Variants in MED13L observed in about 807,000 individuals in gnomAD.
MED13L encodes the protein mediator complex subunit 13L.
Under a neutral mutation model 220.9 loss-of-function variants are expected in MED13L, and 7 were observed. The observed-to-expected ratio is 0.03, with a 90% CI of 0.02 to 0.06. The LOEUF (loss-of-function observed/expected upper bound fraction) is 0.06, where lower values mean the gene tolerates loss of function less well. MED13L is among the 10% of genes least tolerant of loss of function. The pLI is 1.00. For synonymous variants in MED13L, 1,011 were observed against 1,015.2 expected, an observed-to-expected ratio of 1.00 and a Z score of 0.08; for missense variants, 1,965 against 2,760.5, an observed-to-expected ratio of 0.71 and a Z score of 6.46.
At chr12:116,192,931 GAC>G (rs1881372782) in intron 2 of MED13L, among the ~76,000 whole-genome samples, 1 of 152,140 alleles carries the variant, frequency 6.6e-6, no homozygotes, top group South Asian at 2.1e-4. Context: ...AGGAAATCAA[GAC>G]CATCCTGGCT....
chr12:116,277,022 C>CCGA, intron 1 of MED13L, 38 bp downstream of exon 1: 3 of 1,006,450 alleles, frequency 3.0e-6, no homozygotes, highest in Non-Finnish European at 4.5e-6. Flanking sequence ...CCCCCCCCTT[C>CCGA]CCCGGCACAG....
At chr12:116,115,874 T>C (rs1017425199) in intron 2 of MED13L, among the ~76,000 whole-genome samples, 10 of 152,264 alleles carry the variant, frequency 6.6e-5, no homozygotes, top group South Asian at 2.1e-4. Context: ...GATTAACATA[T>C]AGAATACAGT....
intron 9 of MED13L, among the ~76,000 whole-genome samples, chr12:116,012,290 G>C (rs1448867770): frequency 6.6e-6 from 1 of 152,180 alleles, no homozygotes; most frequent in Non-Finnish European, 1.5e-5. Flanking sequence ...AGCAATCTGA[G>C]GACGTATCCA....
chr12:116,112,683 C>G (rs972614057), intron 2 of MED13L, among the ~76,000 whole-genome samples: 3 of 152,162 alleles, frequency 2.0e-5, no homozygotes, highest in African/African-American at 7.2e-5. Flanking sequence ...AAATAAAGTA[C>G]AGCAAACAGA....
chr12:116,191,795 A>G (rs969360578), intron 2 of MED13L, among the ~76,000 whole-genome samples: 3 of 152,090 alleles, frequency 2.0e-5, no homozygotes, highest in African/African-American at 7.2e-5. Context: ...AGCCTGGGCA[A>G]CACAGTGGGA....
At chr12:115,980,025 T>C (rs1237609687) in intron 23 of MED13L, among the ~76,000 whole-genome samples, 1 of 152,164 alleles carries the variant, frequency 6.6e-6, no homozygotes, top group African/African-American at 2.4e-5. Context: ...TTCCTCTAAG[T>C]ATGTGCATCA....
intron 4 of MED13L, among the ~76,000 whole-genome samples, chr12:116,025,439 T>C (rs1412901617): frequency 2.0e-5 from 3 of 152,236 alleles, no homozygotes; most frequent in Non-Finnish European, 4.4e-5. Flanking sequence ...CCCTTGCTTA[T>C]TCATTATTAT....
At chr12:116,086,344 T>C (rs1405852711) in intron 4 of MED13L, among the ~76,000 whole-genome samples, 1 of 149,948 alleles carries the variant, frequency 6.7e-6, no homozygotes, top group African/African-American at 2.5e-5. Flanking sequence ...AATGCAACAG[T>C]GGGATCTCAG....
At chr12:115,978,191 G>A (rs1286601317) in intron 23 of MED13L, among the ~76,000 whole-genome samples, 2 of 152,130 alleles carry the variant, frequency 1.3e-5, no homozygotes. Context: ...GGACTGGAGT[G>A]GGGAATGAGT....
At chr12:116,141,031 G>A (rs2138047591) in intron 2 of MED13L, among the ~76,000 whole-genome samples, 2 of 152,230 alleles carry the variant, frequency 1.3e-5, no homozygotes, top group South Asian at 4.1e-4. Flanking sequence ...CTCTAATCGT[G>A]AGAGCAAAGA....
intron 5 of MED13L, 133 bp downstream of exon 5, chr12:116,022,323 C>CA: frequency 3.7e-6 from 4 of 1,089,280 alleles, no homozygotes; most frequent in Non-Finnish European, 5.4e-6. Flanking sequence ...CTTCCTTCTT[C>CA]AAAATCTGAC....
At chr12:116,152,468 A>C (rs191723965) in intron 2 of MED13L, among the ~76,000 whole-genome samples, 31 of 152,278 alleles carry the variant, frequency 2.0e-4, no homozygotes, top group African/African-American at 7.5e-4. Flanking sequence ...TCTACCATGC[A>C]AAGAATGCAA....
At chr12:116,096,487 C>T (rs897402804) in intron 4 of MED13L, among the ~76,000 whole-genome samples, 182 bp downstream of exon 4, 22 of 150,242 alleles carry the variant, frequency 1.5e-4, no homozygotes, top group African/African-American at 5.1e-4. Flanking sequence ...AATCACCTTT[C>T]TAATCAATCT....
intron 2 of MED13L, among the ~76,000 whole-genome samples, chr12:116,201,690 T>A (rs985578969): frequency 8.5e-5 from 13 of 152,120 alleles, no homozygotes; most frequent in Non-Finnish European, 1.5e-4. Flanking sequence ...GGAGCACGTG[T>A]ATGGGTGCTT....
chr12:116,277,178 G>A lies in MED13L; in HGVS notation c.-47C>T, dbSNP rs1185573863. On this transcript the variant is annotated 5_prime_UTR_variant, in exon 1 of 31. Transcript: ENST00000281928. Reference sequence around the variant, plus strand: ...CCAGAGCGGGGCATGTCGGAGCGAGGCGTCCGAGGCGAGGCCGGGCCGGGC... The same window carrying A: ...CCAGAGCGGGGCATGTCGGAGCGAGACGTCCGAGGCGAGGCCGGGCCGGGC... 4.2e-6 allele frequency: 6 copies of A among 1,413,626 alleles called. No homozygotes were observed. In the African/African-American group the frequency reaches 7.5e-5, roughly 18 times the overall value. 87.6% of individuals were successfully genotyped at this position (1,413,626 alleles called of 1,614,324 possible).
At position 116,196,380 on chromosome 12, in the gene MED13L, C is replaced by CA. The variant is rs879671602; in HGVS notation, c.310+41087dup. On this transcript the variant is annotated intron_variant, in intron 2 of 30. Transcript: ENST00000281928. ...GGGCCAATAAGTAAGGTGCAATTAA[C>CA]AAAAAAAAAAAAAGTCTGACTGGCC... 4.9e-3 allele frequency among the ~76,000 whole-genome samples: 669 copies of CA among 136,634 alleles called. 2 individuals are homozygous for CA. The highest frequency in any genetic ancestry group is 0.011 in the African/African-American group (422 of 37,582). The allele number at this position is 136,634 out of a possible 152,430, so 89.6% of individuals were successfully genotyped here.
intron 4 of MED13L, among the ~76,000 whole-genome samples, chr12:116,096,209 G>C (rs1015872497): frequency 6.6e-6 from 1 of 151,504 alleles, no homozygotes; most frequent in Non-Finnish European, 1.5e-5. Context: ...CAAAAAATTA[G>C]CCAGGTGTGG....
chr12:116,259,986 A>T (rs1184480389), intron 1 of MED13L, among the ~76,000 whole-genome samples: 1 of 152,160 alleles, frequency 6.6e-6, no homozygotes, highest in Non-Finnish European at 1.5e-5. Flanking sequence ...ACATCTATGT[A>T]CAAAAATGTG....
intron 2 of MED13L, among the ~76,000 whole-genome samples, chr12:116,131,605 G>A (rs1876072587): frequency 6.6e-6 from 1 of 152,086 alleles, no homozygotes. Flanking sequence ...TTTAGGTTCT[G>A]GTTAAAAAAG....
Sources: gnomAD v4.1 joint callset for allele counts (sites outside exome capture counted in the v4.1 genomes callset) on GRCh38, gnomAD v4.1.1 for gene constraint, MANE v1.5 for transcripts, NCBI Gene and HGNC (gene_info 2026-07-23, HGNC 2026-07-21) for gene names.